Variants in DNAJC10 observed in about 807,000 individuals in gnomAD.
DNAJC10 encodes the protein DnaJ heat shock protein family (Hsp40) member C10.
A neutral mutation model predicts 115.0 loss-of-function variants in DNAJC10; 101 were observed. The ratio of observed to expected loss-of-function variants is 0.88; its 90% CI spans 0.75 to 1.04. The LOEUF (loss-of-function observed/expected upper bound fraction) is 1.04. Among genes scored for constraint, DNAJC10 ranks in the 50% least tolerant of loss-of-function variants. DNAJC10 has a pLI of 0.00. For missense variants in DNAJC10, 981 were observed against 928.8 expected, an observed-to-expected ratio of 1.06 and a Z score of -0.73; for synonymous variants, 307 against 301.5, an observed-to-expected ratio of 1.02 and a Z score of -0.19.
Position 182,736,400 on chromosome 2 carries a change from T to C in DNAJC10, c.987+14T>C. ...AACAGTATTTTGGTATGAATCACTT[T>C]AAACTAATTTATTTACATATAATGT... On this transcript the variant is annotated intron_variant, in intron 11 of 23. Coordinates refer to ENST00000264065, the MANE Select transcript of DNAJC10 (RefSeq NM_018981.4). The C allele has an allele frequency of 6.5e-7, 1 of 1,531,770 alleles. No individual in the cohort carries two copies. The highest frequency in any genetic ancestry group is 8.8e-7 in the Non-Finnish European group (1 of 1,141,470). 94.9% of individuals were successfully genotyped at this position (1,531,770 alleles called of 1,614,324 possible). A position where few individuals can be genotyped will look rare whatever the true frequency, so the allele number is the denominator to read the frequency against.
intron 11 of DNAJC10, among the ~76,000 whole-genome samples, chr2:182,737,775 A>T (rs1693624312): frequency 6.6e-6 from 1 of 152,196 alleles, no homozygotes; most frequent in South Asian, 2.1e-4. Context: ...TTCCCATATT[A>T]TTTGATGAAA....
chr2:182,771,651 T>C (rs527339615), intron 22 of DNAJC10, among the ~76,000 whole-genome samples: 3 of 152,334 alleles, frequency 2.0e-5, no homozygotes, highest in African/African-American at 7.2e-5. Context: ...GTAGTTTGTA[T>C]TTCTGTGGGA....
At chr2:182,761,693 A>T (rs888764869) in intron 21 of DNAJC10, among the ~76,000 whole-genome samples, 2 of 152,150 alleles carry the variant, frequency 1.3e-5, no homozygotes, top group African/African-American at 4.8e-5. Flanking sequence ...TTCAGGGGAC[A>T]TGCTGTGTTT....
chr2:182,746,029 T>C (rs1400499132), intron 14 of DNAJC10, among the ~76,000 whole-genome samples: 1 of 152,184 alleles, frequency 6.6e-6, no homozygotes, highest in African/African-American at 2.4e-5. Context: ...AGAATGATGA[T>C]TTCCAGTTTC....
chr2:182,786,614 C>T lies in DNAJC10; in HGVS notation c.*9482C>T, dbSNP rs1694951083. The T allele has an allele frequency of 6.6e-6, 1 of 152,252 alleles. No homozygotes were observed. Among genetic ancestry groups the T allele is most frequent in the Non-Finnish European group, 1.5e-5 (1 of 68,084 alleles). The allele number at this position is 152,252 out of a possible 1,614,324, so 9.4% of individuals were successfully genotyped here. On this transcript the variant is annotated 3_prime_UTR_variant, in exon 24 of 24. Coordinates refer to ENST00000264065, the MANE Select transcript of DNAJC10 (RefSeq NM_018981.4). ...ATAGACCTAGGTGACCAACCAGCAG[C>T]ACCTAGCTTTTGCCAGCTACGCAGC... is the stretch of plus-strand genomic sequence containing the variant.
rs1242530322 is a variant in DNAJC10, at chr2:182,783,029, A to G, written c.*5897A>G. 6.6e-6 allele frequency: 1 copy of G among 152,064 alleles called. No homozygotes were observed. Among genetic ancestry groups the G allele is most frequent in the Non-Finnish European group, 1.5e-5 (1 of 68,030 alleles). The allele number at this position is 152,064 out of a possible 1,614,324, so 9.4% of individuals were successfully genotyped here. ...GCAGCTTTTGCCCATTCAGTATGAT[A>G]TTGGCTGTGGTTTTGTCATAAATAG... On this transcript the variant is annotated 3_prime_UTR_variant, in exon 24 of 24. Coordinates refer to ENST00000264065, the MANE Select transcript of DNAJC10 (RefSeq NM_018981.4).
chr2:182,777,044 G>T (rs1013447901), intron 23 of DNAJC10, 77 bp from the exon 24 acceptor site: 3 of 942,258 alleles, frequency 3.2e-6, no homozygotes, highest in African/African-American at 3.3e-5. Flanking sequence ...ATGTTGGTTT[G>T]TGGTATTTCA....
chr2:182,741,509 CT>C (rs1209214902), intron 13 of DNAJC10, among the ~76,000 whole-genome samples, 153 bp downstream of exon 13: 1 of 151,922 alleles, frequency 6.6e-6, no homozygotes, highest in African/African-American at 2.4e-5. Flanking sequence ...TGCTTTTCCT[CT>C]TTTTTATTAA....
intron 22 of DNAJC10, among the ~76,000 whole-genome samples, chr2:182,763,797 T>G (rs1163303263): frequency 6.6e-6 from 1 of 152,152 alleles, no homozygotes; most frequent in Non-Finnish European, 1.5e-5. Flanking sequence ...CAATGCAAGG[T>G]AAACTTCTAT....
At position 182,777,986 on chromosome 2, in the gene DNAJC10, T is replaced by C. The variant is rs1217132573; in HGVS notation, c.*854T>C. On this transcript the variant is annotated 3_prime_UTR_variant, in exon 24 of 24. Coordinates refer to ENST00000264065, the MANE Select transcript of DNAJC10 (RefSeq NM_018981.4). ...TATCCTAAATATGTTATCAAGTATT[T>C]AGAGTTCTATATTTTAAAGATATAT... 6.6e-6 allele frequency: 1 copy of C among 152,192 alleles called. No individual in the cohort carries two copies. Among genetic ancestry groups the C allele is most frequent in the African/African-American group, 2.4e-5 (1 of 41,450 alleles). The allele number at this position is 152,192 out of a possible 1,614,324, so 9.4% of individuals were successfully genotyped here.
At chr2:182,754,119 G>A (rs1463013062) in intron 16 of DNAJC10, among the ~76,000 whole-genome samples, 2 of 152,136 alleles carry the variant, frequency 1.3e-5, no homozygotes, top group Non-Finnish European at 1.5e-5. Flanking sequence ...TAATTGTTGT[G>A]AAGAATAAAT....
In DNAJC10 at chr2:182,777,840, A is replaced by G. The variant is rs1164200039; in HGVS notation, c.*708A>G. ...CAGCCGAGAAACAGTGCAGCAGTAT[A>G]TGTGCACACAGTAAGTACACAAATT... On this transcript the variant is annotated 3_prime_UTR_variant, in exon 24 of 24. Transcript: ENST00000264065. 1.3e-5 allele frequency: 2 copies of G among 152,302 alleles called. No homozygotes were observed. The highest frequency in any genetic ancestry group is 3.9e-4 in the East Asian group (2 of 5,192). 9.4% of individuals were successfully genotyped at this position (152,302 alleles called of 1,614,324 possible). A position where few individuals can be genotyped will look rare whatever the true frequency, so the allele number is the denominator to read the frequency against.
rs1391631790 is a variant in DNAJC10 at position 182,787,707 on chromosome 2, A to C, written c.*10575A>C. 2 of 152,274 alleles carry C rather than the reference A, an allele frequency of 1.3e-5. No individual in the cohort carries two copies. The highest frequency in any genetic ancestry group is 2.9e-5 in the Non-Finnish European group (2 of 68,142). The allele number at this position is 152,274 out of a possible 1,614,324, so 9.4% of individuals were successfully genotyped here. On this transcript the variant is annotated 3_prime_UTR_variant, in exon 24 of 24. Coordinates refer to ENST00000264065, the MANE Select transcript of DNAJC10 (RefSeq NM_018981.4). ...GGCCCAGGCAGAAGGATTCCTGCAGACCAGGATTTCAAGACCAGCCTGGAC... is the reference window on the plus strand; with the variant it reads ...GGCCCAGGCAGAAGGATTCCTGCAGCCCAGGATTTCAAGACCAGCCTGGAC...
chr2:182,754,270 A>C (rs1694102206), intron 16 of DNAJC10, among the ~76,000 whole-genome samples: 1 of 152,192 alleles, frequency 6.6e-6, no homozygotes, highest in South Asian at 2.1e-4. Context: ...TTTTTTCAAA[A>C]ATTATTTTTG....
intron 22 of DNAJC10, among the ~76,000 whole-genome samples, chr2:182,775,051 G>A: frequency 6.7e-6 from 1 of 149,670 alleles, no homozygotes. Flanking sequence ...GATGTTTTGA[G>A]GCTTTTGGAG....
chr2:182,736,594 C>T (rs942728542), intron 11 of DNAJC10, among the ~76,000 whole-genome samples: 1 of 152,050 alleles, frequency 6.6e-6, no homozygotes, highest in African/African-American at 2.4e-5. Flanking sequence ...TTTAAACTGA[C>T]GATTACATTT....
Position 182,778,271 on chromosome 2 carries a change from G to A in DNAJC10, c.*1139G>A, listed in dbSNP as rs1287887739. ...TAGTTATTCCAGTTACTAGTTTACT[G>A]TCAGAGGGCTGCCTTTTTCAGATAA... On this transcript the variant is annotated 3_prime_UTR_variant, in exon 24 of 24. Transcript: ENST00000264065. The A allele has an allele frequency of 6.6e-6, 1 of 152,106 alleles. No individual in the cohort carries two copies. Among genetic ancestry groups the A allele is most frequent in the Non-Finnish European group, 1.5e-5 (1 of 68,016 alleles). The allele number at this position is 152,106 out of a possible 1,614,324, so 9.4% of individuals were successfully genotyped here.
intron 13 of DNAJC10, among the ~76,000 whole-genome samples, chr2:182,741,835 G>A (rs6715609): frequency 1.3e-5 from 2 of 151,976 alleles, no homozygotes; most frequent in African/African-American, 2.4e-5. Flanking sequence ...ATGTATATGT[G>A]TGCACATGCA....
intron 22 of DNAJC10, among the ~76,000 whole-genome samples, chr2:182,774,186 A>T (rs930102861): frequency 6.6e-6 from 1 of 152,212 alleles, no homozygotes; most frequent in Non-Finnish European, 1.5e-5. Context: ...ATTGCAGAAC[A>T]GCAAATATTG....
Sources: allele counts gnomAD v4.1 joint callset (sites outside exome capture counted in the v4.1 genomes callset), GRCh38; gene constraint gnomAD v4.1.1; transcripts MANE v1.5; gene names NCBI Gene and HGNC (gene_info 2026-07-23, HGNC 2026-07-21).